ADCY1: variants seen among roughly 807,000 people sequenced by gnomAD.
The protein encoded by ADCY1 is adenylate cyclase type 1.
In ADCY1, 28 loss-of-function variants were observed where a neutral mutation model predicts 105.4. That is an observed-to-expected ratio of 0.27 (90% confidence interval 0.20 to 0.36). The LOEUF is 0.36. Among genes scored for constraint, ADCY1 ranks in the 10% least tolerant of loss-of-function variants. The probability of loss-of-function intolerance (pLI) is 1.00; values close to 1 mark genes in which losing one functional copy is unlikely to be tolerated. For synonymous variants in ADCY1, 655 were observed against 623.8 expected, an observed-to-expected ratio of 1.05 and a Z score of -0.75; for missense variants, 977 against 1,434.2, an observed-to-expected ratio of 0.68 and a Z score of 5.15.
At chr7:45,598,205 G>A (rs958238454) in intron 2 of ADCY1, among the ~76,000 whole-genome samples, 5 of 152,156 alleles carry the variant, frequency 3.3e-5, no homozygotes, top group African/African-American at 7.2e-5. Flanking sequence ...GAAAGATAAC[G>A]GAGCGAATAA....
At position 45,589,689 on chromosome 7, in the gene ADCY1, C is replaced by G. The variant is rs546051308; in HGVS notation, c.640-3070C>G. Among the ~76,000 whole-genome samples, 46 of 152,118 alleles carry G rather than the reference C, an allele frequency of 3.0e-4. No individual in the cohort carries two copies. In the South Asian group the frequency reaches 8.5e-3, roughly 28 times the overall value. ...GGGCGTGGGTGTCTCGGCGGGTGAGCCCTGTGCTCATGGGCAGGTGTGGGG... is the reference window on the plus strand; with the variant it reads ...GGGCGTGGGTGTCTCGGCGGGTGAGGCCTGTGCTCATGGGCAGGTGTGGGG... On this transcript the variant is annotated intron_variant, in intron 1 of 19. Transcript: ENST00000297323.
chr7:45,664,560 G>A (rs1057424060), intron 8 of ADCY1: 2 of 1,274,026 alleles, frequency 1.6e-6, no homozygotes, highest in East Asian at 2.7e-5. Flanking sequence ...AAAATGAAAA[G>A]CATTTATCTG....
At chr7:45,634,364 G>A (rs1053277530) in intron 4 of ADCY1, among the ~76,000 whole-genome samples, 1 of 150,584 alleles carries the variant, frequency 6.6e-6, no homozygotes, top group Non-Finnish European at 1.5e-5. Context: ...TTACCAGTTG[G>A]ATTTTTTGTG....
In ADCY1 at chr7:45,574,909, C is replaced by T. The variant is rs755508070; in HGVS notation, c.366C>T (p.Val122=). The change falls in exon 1 of 20, where the codon GTC becomes GTT. Residue 122 remains valine (V), a synonymous_variant. Transcript: ENST00000297323. This position sits in a 1 kb window ranked among gnomAD's most constrained non-coding sequence, Gnocchi z 7.0. ...TGCAGGTGCCCCAGCTGCAGCAGGTCGGCCAGCTGGCGCTGCTCTTCAGCC... is the reference window on the plus strand; with the variant it reads ...TGCAGGTGCCCCAGCTGCAGCAGGTTGGCCAGCTGGCGCTGCTCTTCAGCC... The part of the protein sequence containing the change: ...RSLQVPQLQQ[V]GQLALLFSLT... The T allele has an allele frequency of 6.2e-7, 1 of 1,611,938 alleles. No individual in the cohort carries two copies. Among genetic ancestry groups the T allele is most frequent in the South Asian group, 1.1e-5 (1 of 91,074 alleles).
intron 2 of ADCY1, among the ~76,000 whole-genome samples, chr7:45,594,319 C>T (rs1045192698): frequency 6.6e-6 from 1 of 152,154 alleles, no homozygotes; most frequent in Non-Finnish European, 1.5e-5. Flanking sequence ...TTCTCTTAGA[C>T]CAGAGTCAGT....
At chr7:45,622,913 C>T (rs1793938388) in intron 4 of ADCY1, among the ~76,000 whole-genome samples, 170 bp downstream of exon 4, 1 of 152,216 alleles carries the variant, frequency 6.6e-6, no homozygotes, top group Non-Finnish European at 1.5e-5. Context: ...TCATTGATTC[C>T]TTTCCTTGAA....
intron 5 of ADCY1, among the ~76,000 whole-genome samples, chr7:45,650,104 T>C (rs958678268): frequency 6.6e-6 from 1 of 152,222 alleles, no homozygotes; most frequent in African/African-American, 2.4e-5. Flanking sequence ...TCATATATAT[T>C]GTATGTTGCA....
chr7:45,592,787 G>C lies in ADCY1; in HGVS notation c.668G>C (p.Gly223Ala). 6.2e-7 allele frequency: 1 copy of C among 1,614,216 alleles called. No homozygotes were observed. The highest frequency in any genetic ancestry group is 1.1e-5 in the South Asian group (1 of 91,084). Residue 223 changes from glycine to alanine, a missense_variant, in exon 2 of 20, where the codon GGT becomes GCT. Physicochemically the swap from Gly to Ala is moderately conservative, Grantham distance 60 (BLOSUM62 0). This residue lies in a region of ADCY1 where 196 missense variants were observed against 347.8 expected (regional missense o/e 0.56). Coordinates refer to ENST00000297323, the MANE Select transcript of ADCY1 (RefSeq NM_021116.4). ...TLGANALLFV[G>A]VNMYGVFVRI... Reference sequence around the variant, plus strand: ...GGTGCCAATGCCTTGCTCTTCGTCGGTGTGAACATGTATGGGGTCTTTGTG... The same window carrying C: ...GGTGCCAATGCCTTGCTCTTCGTCGCTGTGAACATGTATGGGGTCTTTGTG...
At chr7:45,630,965 G>A (rs897891134) in intron 4 of ADCY1, among the ~76,000 whole-genome samples, 4 of 152,074 alleles carry the variant, frequency 2.6e-5, no homozygotes, top group African/African-American at 9.7e-5. Flanking sequence ...CTGGATTTCA[G>A]TCTCCTTATT....
At chr7:45,697,691 TCTTTAC>T (rs1440846173) in intron 14 of ADCY1, among the ~76,000 whole-genome samples, 1 of 152,070 alleles carries the variant, frequency 6.6e-6, no homozygotes, top group Admixed American at 6.6e-5. Context: ...CGCCCAGCCC[TCTTTAC>T]CTTTTAAAAT....
chr7:45,665,082 C>T (rs1041628627), intron 8 of ADCY1, among the ~76,000 whole-genome samples: 1 of 152,182 alleles, frequency 6.6e-6, no homozygotes, highest in Admixed American at 6.5e-5. Flanking sequence ...TTTCCAGCTT[C>T]ATCCATGTCC....
intron 4 of ADCY1, among the ~76,000 whole-genome samples, chr7:45,625,189 G>A (rs1794017187): frequency 6.6e-6 from 1 of 152,222 alleles, no homozygotes; most frequent in Admixed American, 6.5e-5. Context: ...ACTGTCCAGG[G>A]TGTATGGGCG....
intron 14 of ADCY1, among the ~76,000 whole-genome samples, chr7:45,699,714 A>G (rs1784958610): frequency 6.6e-6 from 1 of 152,122 alleles, no homozygotes; most frequent in South Asian, 2.1e-4. Flanking sequence ...TCAGCCCTGT[A>G]GAGTTGCTGC....
intron 5 of ADCY1, among the ~76,000 whole-genome samples, chr7:45,657,162 A>G (rs946441884): frequency 1.3e-5 from 2 of 152,204 alleles, no homozygotes; most frequent in Non-Finnish European, 2.9e-5. Flanking sequence ...TCATGTCTGG[A>G]TGTGGCCTCC....
intron 1 of ADCY1, 88 bp from the exon 2 acceptor site, chr7:45,592,671 G>C: frequency 6.4e-7 from 1 of 1,570,452 alleles, no homozygotes. Context: ...CTTTTGGAGA[G>C]CTCTTGCTAT....
At chr7:45,700,036 T>C (rs545689029) in intron 14 of ADCY1, among the ~76,000 whole-genome samples, 2 of 152,206 alleles carry the variant, frequency 1.3e-5, no homozygotes, top group East Asian at 3.9e-4. Flanking sequence ...TGAAAGTCAG[T>C]GGTGAGCATT....
chr7:45,687,876 C>T (rs1000709944), intron 14 of ADCY1, among the ~76,000 whole-genome samples: 2 of 152,206 alleles, frequency 1.3e-5, no homozygotes, highest in Non-Finnish European at 2.9e-5. Context: ...AGAGCATTTT[C>T]ACCCTAGTCC....
intron 2 of ADCY1, among the ~76,000 whole-genome samples, chr7:45,600,914 A>G (rs1253753945): frequency 2.0e-5 from 3 of 151,458 alleles, no homozygotes; most frequent in African/African-American, 7.3e-5. Context: ...TTAATTTAAT[A>G]CCTCCCTAAA....
In ADCY1 at chr7:45,701,930, C is replaced by T. The variant is rs111878783; in HGVS notation, c.2455-1446C>T. On this transcript the variant is annotated intron_variant, in intron 14 of 19. Transcript: ENST00000297323. ...TCCTCATCTGCTTCTGGTCTACGCT[C>T]CTTAAGGGACAGGAAGAAACACCTG... Among the ~76,000 whole-genome samples the T allele has an allele frequency of 6.6e-3, 1,005 of 152,278 alleles. 7 individuals carry two copies. Among genetic ancestry groups the T allele is most frequent in the African/African-American group, 0.023 (956 of 41,552 alleles).
Sources: allele counts gnomAD v4.1 joint callset (sites outside exome capture counted in the v4.1 genomes callset), GRCh38; gene constraint gnomAD v4.1.1; regional missense constraint gnomAD v4.1.1; non-coding constraint Gnocchi (gnomAD v3.1); transcripts MANE v1.5; gene names NCBI Gene and HGNC (gene_info 2026-07-23, HGNC 2026-07-21).